Variants in PLCB4 observed in about 807,000 individuals in gnomAD.
PLCB4 encodes phospholipase C beta 4, also known as 1-phosphatidylinositol 4,5-bisphosphate phosphodiesterase beta-4.
In PLCB4, 77 loss-of-function variants were observed where a neutral mutation model predicts 178.8. That is an observed-to-expected ratio of 0.43 (90% confidence interval 0.36 to 0.52). PLCB4 has a LOEUF of 0.52. PLCB4 is among the 20% of genes least tolerant of loss of function. PLCB4 has a pLI of 0.00. For missense variants in PLCB4, 1,024 were observed against 1,453.4 expected (o/e 0.70, Z 4.80); for synonymous variants, 496 against 490.8 (o/e 1.01, Z -0.14).
At chr20:9,336,434 C>T (rs2032475492) in intron 4 of PLCB4, among the ~76,000 whole-genome samples, 1 of 152,138 alleles carries the variant, frequency 6.6e-6, no homozygotes, top group Non-Finnish European at 1.5e-5. Context: ...CCCTGAGTTT[C>T]TGGTGTCAAA....
At chr20:9,469,291 A>AT (rs1186192506) in intron 36 of PLCB4, among the ~76,000 whole-genome samples, 1 of 152,086 alleles carries the variant, frequency 6.6e-6, no homozygotes, top group Non-Finnish European at 1.5e-5. Context: ...TATAATCAAT[A>AT]TAATTCTGAA....
intron 2 of PLCB4, among the ~76,000 whole-genome samples, chr20:9,174,102 G>A (rs1449245788): frequency 1.3e-5 from 2 of 151,914 alleles, no homozygotes; most frequent in Admixed American, 1.3e-4. Flanking sequence ...TTCTTGGCTT[G>A]GTTTTGCTGC....
At chr20:9,194,720 C>CT (rs887297842) in intron 2 of PLCB4, among the ~76,000 whole-genome samples, 1 of 148,756 alleles carries the variant, frequency 6.7e-6, no homozygotes, top group Non-Finnish European at 1.5e-5. Context: ...AAAAAAGAAC[C>CT]TTTTTTTAAT....
At chr20:9,124,072 A>T (rs913613389) in intron 2 of PLCB4, among the ~76,000 whole-genome samples, 11 of 151,960 alleles carry the variant, frequency 7.2e-5, no homozygotes, top group African/African-American at 2.4e-4. Flanking sequence ...TCTTCTTTTA[A>T]TTTTTTTCAG....
chr20:9,279,851 C>T (rs751332612), intron 3 of PLCB4, among the ~76,000 whole-genome samples: 18 of 152,010 alleles, frequency 1.2e-4, no homozygotes, highest in Non-Finnish European at 2.5e-4. Context: ...TCTGCCTTTT[C>T]ATTTAAAATA....
chr20:9,341,321 T>C (rs2033170527), intron 7 of PLCB4, among the ~76,000 whole-genome samples: 1 of 152,106 alleles, frequency 6.6e-6, no homozygotes, highest in African/African-American at 2.4e-5. Context: ...ATGTATAACT[T>C]TTGACTCCCC....
At chr20:9,309,053 A>G (rs1568562525) in intron 4 of PLCB4, among the ~76,000 whole-genome samples, 1 of 151,886 alleles carries the variant, frequency 6.6e-6, no homozygotes. Flanking sequence ...ATAGAGTAAT[A>G]TTTTTAAAAT....
At chr20:9,438,045 G>A (rs369405740) in intron 30 of PLCB4, among the ~76,000 whole-genome samples, 1 of 152,078 alleles carries the variant, frequency 6.6e-6, no homozygotes, top group East Asian at 1.9e-4. Context: ...GTTGGAAATT[G>A]TCAAAAGGAA....
At chr20:9,380,731 A>C (rs2037071285) in intron 13 of PLCB4, among the ~76,000 whole-genome samples, 1 of 152,198 alleles carries the variant, frequency 6.6e-6, no homozygotes, top group Non-Finnish European at 1.5e-5. Flanking sequence ...TATTTGTCAA[A>C]GGAAAGGCAT....
At chr20:9,462,195 A>T (rs2122494073) in intron 35 of PLCB4, among the ~76,000 whole-genome samples, 1 of 152,328 alleles carries the variant, frequency 6.6e-6, no homozygotes, top group African/African-American at 2.4e-5. Context: ...AGGAAAACTA[A>T]CAAACAGAAA....
upstream of PLCB4, chr20:9,068,919 C>T (rs2089413191): frequency 7.4e-6 from 1 of 135,246 alleles, no homozygotes; most frequent in African/African-American, 2.7e-5. Context: ...GACCGCGCGG[C>T]GCGGAGACGG....
At chr20:9,259,996 C>A (rs2094280663) in intron 3 of PLCB4, among the ~76,000 whole-genome samples, 1 of 151,972 alleles carries the variant, frequency 6.6e-6, no homozygotes, top group South Asian at 2.1e-4. Context: ...ACTGAGCAGT[C>A]CCTGATCTAG....
chr20:9,202,563 G>A (rs147864445), intron 2 of PLCB4, among the ~76,000 whole-genome samples: 3 of 152,172 alleles, frequency 2.0e-5, no homozygotes, highest in African/African-American at 7.2e-5. Flanking sequence ...ATGGCATGAT[G>A]GACTTTGGCT....
chr20:9,172,686 T>C (rs561438263), intron 2 of PLCB4, among the ~76,000 whole-genome samples: 4 of 152,272 alleles, frequency 2.6e-5, no homozygotes, highest in Non-Finnish European at 4.4e-5. Flanking sequence ...GCCGAGTGCC[T>C]GAATGTTAAG....
intron 7 of PLCB4, among the ~76,000 whole-genome samples, chr20:9,354,596 C>T (rs550512231): frequency 6.6e-6 from 1 of 152,320 alleles, no homozygotes; most frequent in Non-Finnish European, 1.5e-5. Flanking sequence ...ACCCGCTGAT[C>T]AAGGGAACCA....
intron 4 of PLCB4, among the ~76,000 whole-genome samples, chr20:9,324,588 C>A (rs1288794391): frequency 3.9e-5 from 6 of 152,180 alleles, no homozygotes; most frequent in Non-Finnish European, 8.8e-5. Context: ...GCCCTTCCCT[C>A]AGGGTAAGAG....
In PLCB4 at chr20:9,314,391, G is replaced by A. The variant is rs118145793; in HGVS notation, c.84+6493G>A. Among the ~76,000 whole-genome samples the A allele has an allele frequency of 2.5e-3, 379 of 152,202 alleles. 1 individual carries two copies. Among genetic ancestry groups the A allele is most frequent in the Non-Finnish European group, 4.1e-3 (279 of 68,006 alleles). On this transcript the variant is annotated intron_variant, in intron 4 of 39. Coordinates refer to ENST00000378473, the MANE Select transcript of PLCB4 (RefSeq NM_001377142.1). ...GTCAGTCACACATATGGAGAAATAC[G>A]GGAGGATTTTGAGTGTAGGAATAAA...
At chr20:9,093,746 T>C (rs2090784707) in intron 1 of PLCB4, among the ~76,000 whole-genome samples, 3 of 152,098 alleles carry the variant, frequency 2.0e-5, no homozygotes, top group African/African-American at 4.8e-5. Flanking sequence ...TTTTATTTTA[T>C]GGCGAGGGTC....
At chr20:9,362,552 G>A (rs1408459564) in intron 7 of PLCB4, among the ~76,000 whole-genome samples, 2 of 152,112 alleles carry the variant, frequency 1.3e-5, no homozygotes, top group East Asian at 1.9e-4. Flanking sequence ...TTATAATGCT[G>A]GTTGGAAATA....
Sources: allele counts gnomAD v4.1 joint callset (sites outside exome capture counted in the v4.1 genomes callset), GRCh38; gene constraint gnomAD v4.1.1; transcripts MANE v1.5; gene names NCBI Gene and HGNC (gene_info 2026-07-23, HGNC 2026-07-21).